Variants in BLTP1 observed in about 807,000 individuals in gnomAD.
BLTP1 encodes the protein bridge-like lipid transfer protein family member 1.
chr4:122,258,627 A>G, the BLTP1 span: 7 of 1,503,768 alleles, frequency 4.7e-6, no homozygotes, highest in Non-Finnish European at 6.2e-6. Context: ...TTATATAACT[A>G]GAAACATAGG....
chr4:122,298,961 A>C, the BLTP1 span: 2 of 985,352 alleles, frequency 2.0e-6, no homozygotes, highest in Non-Finnish European at 2.4e-6. Flanking sequence ...GAGAAATGAC[A>C]GAAGATGAAG....
At chr4:122,288,901 A>G in the BLTP1 span, 1 of 333,598 alleles carries the variant, frequency 3.0e-6, no homozygotes, top group Non-Finnish European at 4.3e-6. Flanking sequence ...TTGGGAGTGT[A>G]CTATAATAGT....
At chr4:122,248,470 C>T in the BLTP1 span, among the ~76,000 whole-genome samples, 1 of 151,996 alleles carries the variant, frequency 6.6e-6, no homozygotes, top group East Asian at 1.9e-4. Context: ...TTAATAACCT[C>T]ATAATATTTG....
At chr4:122,215,521 G>A in the BLTP1 span, 986 of 985,318 alleles carry the variant, frequency 1.0e-3, 4 homozygotes, top group African/African-American at 0.015. Context: ...TTTTCTGGGG[G>A]CCATTTACAG....
the BLTP1 span, among the ~76,000 whole-genome samples, chr4:122,329,508 A>G: frequency 6.6e-6 from 1 of 151,064 alleles, no homozygotes; most frequent in Non-Finnish European, 1.5e-5. Context: ...GTTATAGGAA[A>G]TATTACTTTA....
At chr4:122,294,291 A>G in the BLTP1 span, among the ~76,000 whole-genome samples, 4 of 152,210 alleles carry the variant, frequency 2.6e-5, no homozygotes, top group African/African-American at 4.8e-5. Flanking sequence ...CCTTGACCCC[A>G]TTCTGCCCAA....
chr4:122,192,472 T>C, the BLTP1 span: 2 of 849,990 alleles, frequency 2.4e-6, no homozygotes, highest in South Asian at 4.5e-5. Context: ...TTTTATAAAC[T>C]ATTTTATTAT....
At chr4:122,183,912 C>T in the BLTP1 span, among the ~76,000 whole-genome samples, 1 of 151,846 alleles carries the variant, frequency 6.6e-6, no homozygotes, top group African/African-American at 2.4e-5. Flanking sequence ...TAAATATCCA[C>T]AAAGAGGTAC....
chr4:122,179,878 C>T, the BLTP1 span: 125 of 985,290 alleles, frequency 1.3e-4, no homozygotes, highest in South Asian at 5.2e-3. Flanking sequence ...AAAGTATCCT[C>T]CCTGCCCCCC....
At chr4:122,170,489 A>G in the BLTP1 span, 2 of 1,306,312 alleles carry the variant, frequency 1.5e-6, no homozygotes, top group South Asian at 1.9e-5. Flanking sequence ...CATTCTCATC[A>G]TTGAAGGAAA....
chr4:122,273,885 A>G, the BLTP1 span, among the ~76,000 whole-genome samples: 1 of 152,082 alleles, frequency 6.6e-6, no homozygotes, highest in Non-Finnish European at 1.5e-5. Flanking sequence ...AAAGTAGGCA[A>G]AATTGTTTAT....
the BLTP1 span, among the ~76,000 whole-genome samples, chr4:122,268,104 GA>G: frequency 6.6e-6 from 1 of 151,788 alleles, no homozygotes; most frequent in African/African-American, 2.4e-5. Flanking sequence ...AATAATCGGT[GA>G]AAAAAATTAC....
the BLTP1 span, chr4:122,240,177 G>A: frequency 1.6e-5 from 26 of 1,613,976 alleles, no homozygotes; most frequent in Admixed American, 5.0e-5. Flanking sequence ...GCAACAACCC[G>A]TGATGAATTG....
chr4:122,153,849 A>T, the BLTP1 span: 1 of 265,550 alleles, frequency 3.8e-6, no homozygotes, highest in Non-Finnish European at 5.8e-6. Context: ...GTTTTATTTT[A>T]TACTTAGGAG....
At chr4:122,258,956 G>T in the BLTP1 span, 2 of 603,076 alleles carry the variant, frequency 3.3e-6, no homozygotes, top group Non-Finnish European at 5.7e-6. Flanking sequence ...TAGCATTTTC[G>T]TGTTGAAATT....
chr4:122,257,515 T>C, the BLTP1 span: 14 of 1,611,960 alleles, frequency 8.7e-6, no homozygotes, highest in East Asian at 2.2e-5. Flanking sequence ...TAAGCCTCTA[T>C]TGAGTACTTT....
the BLTP1 span, chr4:122,219,068 A>G: frequency 1.2e-6 from 1 of 821,514 alleles, no homozygotes; most frequent in African/African-American, 1.9e-5. Context: ...CCTAAATTAC[A>G]AGGTTTTGCT....
At chr4:122,305,199 A>G in the BLTP1 span, 1 of 983,946 alleles carries the variant, frequency 1.0e-6, no homozygotes, top group Non-Finnish European at 1.2e-6. Flanking sequence ...GCACTCACAT[A>G]AAACTTAATC....
the BLTP1 span, chr4:122,359,527 G>A: frequency 1.3e-6 from 2 of 1,597,960 alleles, no homozygotes; most frequent in South Asian, 2.2e-5. Context: ...TAACATAAAT[G>A]TATCATACTA....
Sources: allele counts gnomAD v4.1 joint callset (sites outside exome capture counted in the v4.1 genomes callset), GRCh38; gene constraint gnomAD v4.1.1; transcripts MANE v1.5; gene names NCBI Gene and HGNC (gene_info 2026-07-23, HGNC 2026-07-21).